The following FSIP2 variants were observed in gnomAD, a reference collection of about 807,000 sequenced individuals.
The protein encoded by FSIP2 is fibrous sheath-interacting protein 2.
In FSIP2, 367 loss-of-function variants were observed where a neutral mutation model predicts 510.5. The ratio of observed to expected loss-of-function variants is 0.72; its 90% CI spans 0.66 to 0.78. The LOEUF (loss-of-function observed/expected upper bound fraction) is 0.78, where lower values mean the gene tolerates loss of function less well. Among genes scored for constraint, FSIP2 ranks in the 30% least tolerant of loss-of-function variants. The pLI is 0.00. For synonymous variants in FSIP2, 2,601 were observed against 2,732.2 expected, an observed-to-expected ratio of 0.95 and a Z score of 1.50; for missense variants, 7,594 against 7,901.7, an observed-to-expected ratio of 0.96 and a Z score of 1.48.
At chr2:185,824,582 A>C in intron 20 of FSIP2, 102 bp downstream of exon 20, 1 of 724,348 alleles carries the variant, frequency 1.4e-6, no homozygotes, top group African/African-American at 1.8e-5. Context: ...TATGTTTTCT[A>C]TGAGTTTATC....
chr2:185,821,510 T>C (rs1178961090), intron 19 of FSIP2, among the ~76,000 whole-genome samples: 1 of 151,942 alleles, frequency 6.6e-6, no homozygotes, highest in Non-Finnish European at 1.5e-5. Flanking sequence ...CTGATGAATA[T>C]TGATGCAAAA....
intron 19 of FSIP2, among the ~76,000 whole-genome samples, chr2:185,818,729 C>A (rs1424151409): frequency 2.6e-5 from 4 of 151,696 alleles, no homozygotes; most frequent in African/African-American, 4.8e-5. Flanking sequence ...AAAAAATGTT[C>A]TTCAAAAATG....
chr2:185,795,531 C>A lies in FSIP2; in HGVS notation c.8395C>A (p.Leu2799Ile). The change falls in exon 16 of 23, where the codon CTC (leucine) becomes ATC (isoleucine). Residue 2799 changes from leucine (L) to isoleucine (I), a missense_variant. Leu to Ile is a conservative substitution (Grantham distance 5). Transcript: ENST00000424728. ...GGCTTACCCGATGAAATCCTCACAT[C>A]TCAGACTTTCACAGGGGAATATAGG... The part of the protein sequence containing the change: ...NLAYPMKSSH[L>I]RLSQGNIGTG... 5 of 1,534,722 alleles carry A rather than the reference C, an allele frequency of 3.3e-6. No homozygotes were observed. Among genetic ancestry groups the A allele is most frequent in the Non-Finnish European group, 4.4e-6 (5 of 1,145,958 alleles).
At chr2:185,820,062 T>C (rs1231118999) in intron 19 of FSIP2, among the ~76,000 whole-genome samples, 1 of 151,952 alleles carries the variant, frequency 6.6e-6, no homozygotes, top group Non-Finnish European at 1.5e-5. Flanking sequence ...GATGTTGATA[T>C]GGTTTGGCTA....
intron 13 of FSIP2, among the ~76,000 whole-genome samples, chr2:185,782,436 T>C (rs1466567649): frequency 6.6e-6 from 1 of 152,196 alleles, no homozygotes; most frequent in African/African-American, 2.4e-5. Flanking sequence ...AGAAACATGA[T>C]ATATTTAGGG....
chr2:185,775,547 T>C (rs1350586871), intron 13 of FSIP2, among the ~76,000 whole-genome samples: 1 of 152,092 alleles, frequency 6.6e-6, no homozygotes, highest in Non-Finnish European at 1.5e-5. Flanking sequence ...ACTCTGATGG[T>C]AGTTTCTTTT....
intron 13 of FSIP2, among the ~76,000 whole-genome samples, chr2:185,776,398 A>T (rs1244916963): frequency 6.6e-6 from 1 of 152,084 alleles, no homozygotes; most frequent in South Asian, 2.1e-4. Flanking sequence ...TCATTGCTTT[A>T]TACGTATTTT....
rs918152504 is a variant in FSIP2 at position 185,804,261 on chromosome 2, T to C, written c.14955T>C (p.Val4985=). The change falls in exon 17 of 23, where the codon GTT becomes GTC. Residue 4985 remains valine (V), a synonymous_variant. Coordinates refer to ENST00000424728, the MANE Select transcript of FSIP2 (RefSeq NM_173651.4). The part of the protein sequence containing the change: ...DRVKLKLTRI[V]TTLVNSIVLE... Reference sequence around the variant, plus strand: ...TGAAACTGAAACTTACCAGGATTGTTACAACATTGGTAAATTCAATTGTTC... The same window carrying C: ...TGAAACTGAAACTTACCAGGATTGTCACAACATTGGTAAATTCAATTGTTC... 1.3e-6 allele frequency: 2 copies of C among 1,529,366 alleles called. No homozygotes were observed. Among genetic ancestry groups the C allele is most frequent in the East Asian group, 2.5e-5 (1 of 40,704 alleles). The allele number at this position is 1,529,366 out of a possible 1,614,324, so 94.7% of individuals were successfully genotyped here. A position where few individuals can be genotyped will look rare whatever the true frequency, so the allele number is the denominator to read the frequency against.
In FSIP2 at chr2:185,782,696, G is replaced by A; in HGVS notation, c.1412-9G>A. 2 of 1,497,632 alleles carry A rather than the reference G, an allele frequency of 1.3e-6. No individual in the cohort carries two copies. Among genetic ancestry groups the A allele is most frequent in the Non-Finnish European group, 9.0e-7 (1 of 1,111,924 alleles). The allele number at this position is 1,497,632 out of a possible 1,614,324, so 92.8% of individuals were successfully genotyped here. On this transcript the variant is annotated splice_polypyrimidine_tract_variant and intron_variant, in intron 13 of 22. Transcript: ENST00000424728. ...ACAAACTATGTAATTTTATTTTTCT[G>A]ATAAATAGGACCTCAGGCTCATGCT...
intron 13 of FSIP2, among the ~76,000 whole-genome samples, chr2:185,772,114 A>T (rs532662713): frequency 6.6e-6 from 1 of 152,258 alleles, no homozygotes; most frequent in South Asian, 2.1e-4. Flanking sequence ...TCCATCTGAA[A>T]TCTTATCAGC....
Position 185,813,547 on chromosome 2 carries a change from C to T in FSIP2, c.19830C>T (p.Ala6610=), listed in dbSNP as rs1392786840. The T allele has an allele frequency of 4.0e-6, 6 of 1,512,910 alleles. No individual in the cohort carries two copies. The highest frequency in any genetic ancestry group is 4.7e-5 in the Admixed American group (2 of 42,464). The allele number at this position is 1,512,910 out of a possible 1,614,324, so 93.7% of individuals were successfully genotyped here. A position where few individuals can be genotyped will look rare whatever the true frequency, so the allele number is the denominator to read the frequency against. ...ATTTGCTATACCTTTAATTTCAGGCCGTTGCTAGAAATTCATTTCAGAATA... is the reference window on the plus strand; with the variant it reads ...ATTTGCTATACCTTTAATTTCAGGCTGTTGCTAGAAATTCATTTCAGAATA... The part of the protein sequence containing the change: ...TGRLDVKPLE[A]VARNSFQNIR... The change falls in exon 18 of 23, where the codon GCC becomes GCT. Residue 6610 remains alanine, a splice_region_variant and synonymous_variant. Transcript: ENST00000424728.
intron 7 of FSIP2, among the ~76,000 whole-genome samples, chr2:185,753,085 G>A (rs1692180112): frequency 1.3e-5 from 2 of 151,246 alleles, no homozygotes; most frequent in African/African-American, 2.4e-5. Flanking sequence ...TATGACTCAT[G>A]AGGTTTTTCC....
At chr2:185,764,287 A>G (rs1240308359) in intron 12 of FSIP2, among the ~76,000 whole-genome samples, 1 of 151,796 alleles carries the variant, frequency 6.6e-6, no homozygotes, top group East Asian at 1.9e-4. Flanking sequence ...GGTGGTTTTA[A>G]GTACAACTTT....
chr2:185,764,493 A>G lies in FSIP2; in HGVS notation c.1348-9A>G. ...GGATCTATTTGTTTTGCTGTTGTGA[A>G]TTATGTAGAAGGAGACAAATGCTGA... On this transcript the variant is annotated splice_polypyrimidine_tract_variant and intron_variant, in intron 12 of 22. Coordinates refer to ENST00000424728, the MANE Select transcript of FSIP2 (RefSeq NM_173651.4). 6.6e-7 allele frequency: 1 copy of G among 1,521,638 alleles called. No individual in the cohort carries two copies. Among genetic ancestry groups the G allele is most frequent in the South Asian group, 1.2e-5 (1 of 82,488 alleles). The allele number at this position is 1,521,638 out of a possible 1,614,324, so 94.3% of individuals were successfully genotyped here.
chr2:185,801,734 T>C lies in FSIP2; in HGVS notation c.12428T>C (p.Leu4143Ser). ...DYSTMLSHSFLEDVIRRLLSQ... is the reference protein window; with the variant it reads ...DYSTMLSHSFSEDVIRRLLSQ... ...AGTACCATGTTATCACATTCATTTT[T>C]AGAAGATGTCATAAGAAGGCTTTTA... The change falls in exon 17 of 23, where the codon TTA becomes TCA. Residue 4143 changes from leucine (L) to serine (S), a missense_variant. By Grantham distance (145) the Leu-to-Ser change is moderately radical. Coordinates refer to ENST00000424728, the MANE Select transcript of FSIP2 (RefSeq NM_173651.4). 1 of 1,530,328 alleles carries C rather than the reference T, an allele frequency of 6.5e-7. No homozygotes were observed. Among genetic ancestry groups the C allele is most frequent in the Non-Finnish European group, 8.7e-7 (1 of 1,143,934 alleles). 94.8% of individuals were successfully genotyped at this position (1,530,328 alleles called of 1,614,324 possible). A position where few individuals can be genotyped will look rare whatever the true frequency, so the allele number is the denominator to read the frequency against.
chr2:185,768,828 C>T (rs906144846), intron 13 of FSIP2, among the ~76,000 whole-genome samples: 5 of 151,940 alleles, frequency 3.3e-5, no homozygotes, highest in South Asian at 2.1e-4. Flanking sequence ...TTCCCCTCTT[C>T]GAGTCCATGT....
At chr2:185,764,195 T>A (rs1692413673) in intron 12 of FSIP2, among the ~76,000 whole-genome samples, 1 of 151,634 alleles carries the variant, frequency 6.6e-6, no homozygotes, top group South Asian at 2.1e-4. Context: ...TAGATTGCCA[T>A]CCATATTAAA....
rs1450855990 is a variant in FSIP2 at position 185,807,964 on chromosome 2, G to A, written c.18658G>A (p.Val6220Ile). 1.2e-6 allele frequency: 2 copies of A among 1,609,468 alleles called. No homozygotes were observed. ...QKITSKVLNS[V>I]QEFISKSKIK... ...AATAACTTCAAAAGTACTAAATTCAGTCCAAGAATTTATCTCCAAAAGTAA... is the reference window on the plus strand; with the variant it reads ...AATAACTTCAAAAGTACTAAATTCAATCCAAGAATTTATCTCCAAAAGTAA... The change falls in exon 17 of 23, where the codon GTC (valine) becomes ATC (isoleucine). Residue 6220 changes from valine (V) to isoleucine (I), a missense_variant. Physicochemically the swap from Val to Ile is conservative, Grantham distance 29. Coordinates refer to ENST00000424728, the MANE Select transcript of FSIP2 (RefSeq NM_173651.4).
Position 185,780,834 on chromosome 2 carries a change from G to A in FSIP2, c.1412-1871G>A, listed in dbSNP as rs535399295. On this transcript the variant is annotated intron_variant, in intron 13 of 22. Coordinates refer to ENST00000424728, the MANE Select transcript of FSIP2 (RefSeq NM_173651.4). Reference sequence around the variant, plus strand: ...AATTCTCTAAAGAAAATTTACATACGCTGCTGCCAGTTATCTGTAAGAGCT... The same window carrying A: ...AATTCTCTAAAGAAAATTTACATACACTGCTGCCAGTTATCTGTAAGAGCT... Among the ~76,000 whole-genome samples the A allele has an allele frequency of 4.6e-5, 7 of 152,096 alleles. No individual in the cohort carries two copies. In the South Asian group the frequency reaches 6.2e-4, roughly 14 times the overall value.
Sources: allele counts gnomAD v4.1 joint callset (sites outside exome capture counted in the v4.1 genomes callset), GRCh38; gene constraint gnomAD v4.1.1; transcripts MANE v1.5; gene names NCBI Gene and HGNC (gene_info 2026-07-23, HGNC 2026-07-21).